NXN: variants seen among roughly 807,000 people sequenced by gnomAD.
The protein encoded by NXN is nucleoredoxin.
In NXN, 16 loss-of-function variants were observed where a neutral mutation model predicts 48.6. The ratio of observed to expected loss-of-function variants is 0.33; its 90% CI spans 0.22 to 0.50. The LOEUF (loss-of-function observed/expected upper bound fraction) is 0.50, where lower values mean the gene tolerates loss of function less well. NXN is among the 20% of genes least tolerant of loss of function. NXN has a pLI of 0.98. For missense variants in NXN, 492 were observed against 605.5 expected, an observed-to-expected ratio of 0.81 and a Z score of 1.97; for synonymous variants, 281 against 269.6, an observed-to-expected ratio of 1.04 and a Z score of -0.41.
At chr17:930,594 G>C (rs76924341) in intron 1 of NXN, among the ~76,000 whole-genome samples, 22,478 of 152,016 alleles carry the variant, frequency 0.15, 2,108 homozygotes, top group South Asian at 0.27. Flanking sequence ...AAAGCTAAAG[G>C]TACAAAAAAT....
chr17:896,062 G>A (rs2068480911), intron 1 of NXN, among the ~76,000 whole-genome samples: 2 of 151,720 alleles, frequency 1.3e-5, no homozygotes, highest in South Asian at 4.2e-4. Context: ...TAAATAGGCT[G>A]GGCATGGTGG....
intron 4 of NXN, among the ~76,000 whole-genome samples, chr17:821,805 T>C (rs1912833882): frequency 6.6e-6 from 1 of 152,046 alleles, no homozygotes; most frequent in South Asian, 2.1e-4. Context: ...CTGATTACAT[T>C]CGTCTCTGGC....
At position 924,339 on chromosome 17, in the gene NXN, C is replaced by T. The variant is rs146279963; in HGVS notation, c.360+54980G>A. Among the ~76,000 whole-genome samples, 96 of 152,314 alleles carry T rather than the reference C, an allele frequency of 6.3e-4. No individual in the cohort carries two copies. In the East Asian group the frequency reaches 0.018, roughly 28 times the overall value. ...GCAACCTCCACCTCCTGGGTTCAAG[C>T]GATTCTCCTGCCTCAGCCCCCCGCG... On this transcript the variant is annotated intron_variant, in intron 1 of 7. Coordinates refer to ENST00000336868, the MANE Select transcript of NXN (RefSeq NM_022463.5).
intron 1 of NXN, among the ~76,000 whole-genome samples, chr17:909,078 G>A (rs1253951631): frequency 1.1e-4 from 15 of 135,442 alleles, no homozygotes; most frequent in Admixed American, 3.0e-4. Context: ...CAGCCTGGGC[G>A]ACAGAGTGAG....
At chr17:889,453 T>C (rs779026270) in intron 1 of NXN, among the ~76,000 whole-genome samples, 13 of 152,122 alleles carry the variant, frequency 8.5e-5, no homozygotes, top group Non-Finnish European at 1.8e-4. Flanking sequence ...TCCCAGCACT[T>C]TGGGAGGCCA....
chr17:913,582 G>A (rs1032950589), intron 1 of NXN, among the ~76,000 whole-genome samples: 6 of 151,846 alleles, frequency 4.0e-5, no homozygotes, highest in Admixed American at 3.3e-4. Context: ...AGAGGATAAG[G>A]AGGCAGGTTC....
At chr17:807,049 AC>A (rs1456197740) in intron 5 of NXN, among the ~76,000 whole-genome samples, 6 of 152,086 alleles carry the variant, frequency 3.9e-5, no homozygotes, top group Non-Finnish European at 7.4e-5. Context: ...CGCACAAGAA[AC>A]CTGGGCATTT....
At position 966,692 on chromosome 17, in the gene NXN, A is replaced by G. The variant is rs534987271; in HGVS notation, c.360+12627T>C. ...GTGGCCCAAGACAATTCTTCTTCCA[A>G]CGTGGCCCAGGGAGGCCAAAAAATT... On this transcript the variant is annotated intron_variant, in intron 1 of 7. Transcript: ENST00000336868. 2.0e-5 allele frequency among the ~76,000 whole-genome samples: 3 copies of G among 150,260 alleles called. No individual in the cohort carries two copies. In the South Asian group the frequency reaches 6.4e-4, roughly 32 times the overall value.
chr17:842,611 A>AG, intron 1 of NXN: 1 of 977,004 alleles, frequency 1.0e-6, no homozygotes, highest in Non-Finnish European at 1.2e-6. Flanking sequence ...GTCACTCCCC[A>AG]GGCAACTTGG....
chr17:922,812 C>T lies in NXN; in HGVS notation c.360+56507G>A, dbSNP rs1275554702. Among the ~76,000 whole-genome samples the T allele has an allele frequency of 4.7e-5, 7 of 147,920 alleles. 1 individual carries two copies. The highest frequency in any genetic ancestry group is 2.1e-4 in the East Asian group (1 of 4,818). On this transcript the variant is annotated intron_variant, in intron 1 of 7. Coordinates refer to ENST00000336868, the MANE Select transcript of NXN (RefSeq NM_022463.5). ...GACTACAGGTGCCCGCCACCACACCCGGCTAACTTTTTGTATTTTTAGTAG... is the reference window on the plus strand; with the variant it reads ...GACTACAGGTGCCCGCCACCACACCTGGCTAACTTTTTGTATTTTTAGTAG...
intron 1 of NXN, among the ~76,000 whole-genome samples, chr17:859,156 G>C (rs1007740199): frequency 1.3e-5 from 2 of 152,158 alleles, no homozygotes; most frequent in African/African-American, 4.8e-5. Context: ...TTCAGATGCA[G>C]TTTCCCGTCC....
chr17:925,041 A>AG (rs2068785787), intron 1 of NXN, among the ~76,000 whole-genome samples: 1 of 152,256 alleles, frequency 6.6e-6, no homozygotes, highest in Non-Finnish European at 1.5e-5. Flanking sequence ...CGGCGGATTC[A>AG]GGTGTAAGAA....
intron 1 of NXN, among the ~76,000 whole-genome samples, chr17:850,127 C>G (rs977887489): frequency 6.4e-4 from 98 of 152,224 alleles, no homozygotes; most frequent in African/African-American, 2.2e-3. Flanking sequence ...CGTGGAGAGT[C>G]CAAGCACATC....
chr17:915,125 G>A (rs1443172685), intron 1 of NXN, among the ~76,000 whole-genome samples: 7 of 151,900 alleles, frequency 4.6e-5, no homozygotes, highest in Admixed American at 3.9e-4. Flanking sequence ...TAGTAGAAAT[G>A]GGGTTTCACC....
chr17:813,837 G>A (rs1046129616), intron 5 of NXN, among the ~76,000 whole-genome samples: 2 of 152,050 alleles, frequency 1.3e-5, no homozygotes, highest in Non-Finnish European at 2.9e-5. Flanking sequence ...GTAGTGGCAG[G>A]TGCCTATAAT....
intron 1 of NXN, chr17:959,198 C>T: frequency 9.7e-7 from 1 of 1,025,916 alleles, no homozygotes; most frequent in Non-Finnish European, 1.3e-6. Flanking sequence ...ACCAGTTCAG[C>T]CAGTACGTGT....
At chr17:963,516 C>A (rs528931072) in intron 1 of NXN, among the ~76,000 whole-genome samples, 1 of 152,058 alleles carries the variant, frequency 6.6e-6, no homozygotes, top group Non-Finnish European at 1.5e-5. Context: ...GTGGGAGGAT[C>A]GCTTGAAACC....
intron 1 of NXN, among the ~76,000 whole-genome samples, chr17:836,978 T>TTAC (rs1342189050): frequency 6.7e-6 from 1 of 149,802 alleles, no homozygotes; most frequent in Non-Finnish European, 1.5e-5. Flanking sequence ...ATTATTATTA[T>TTAC]TATTATTATT....
In NXN at chr17:917,210, C is replaced by T. The variant is rs978095205; in HGVS notation, c.360+62109G>A. ...AGGCTGGAGTGCAATGGCGCGACCT[C>T]GGCTCGCCGTGGCCTCCGCCTCGCG... is the stretch of plus-strand genomic sequence containing the variant. On this transcript the variant is annotated intron_variant, in intron 1 of 7. Coordinates refer to ENST00000336868, the MANE Select transcript of NXN (RefSeq NM_022463.5). The surrounding 1 kb of genome is among the most constrained non-coding windows in gnomAD (Gnocchi z 4.5). Among the ~76,000 whole-genome samples the T allele has an allele frequency of 2.0e-5, 3 of 151,816 alleles. No homozygotes were observed. Among genetic ancestry groups the T allele is most frequent in the East Asian group, 1.9e-4 (1 of 5,164 alleles).
Sources: gnomAD v4.1 joint callset for allele counts (sites outside exome capture counted in the v4.1 genomes callset) on GRCh38, gnomAD v4.1.1 for gene constraint, Gnocchi (gnomAD v3.1) non-coding constraint, MANE v1.5 for transcripts, NCBI Gene and HGNC (gene_info 2026-07-23, HGNC 2026-07-21) for gene names.